Variants in PPARD observed in about 807,000 individuals in gnomAD.
PPARD encodes the protein peroxisome proliferator activated receptor delta, also known as peroxisome proliferator-activated receptor delta.
PPARD carries 6 observed loss-of-function variants against 39.5 expected under a neutral mutation model. The observed-to-expected ratio is 0.15, with a 90% CI of 0.08 to 0.30. PPARD has a LOEUF of 0.30. Among genes scored for constraint, PPARD ranks in the 10% least tolerant of loss-of-function variants. PPARD has a pLI of 1.00. For synonymous variants in PPARD, 210 were observed against 231.3 expected, an observed-to-expected ratio of 0.91 and a Z score of 0.83; for missense variants, 397 against 596.8, an observed-to-expected ratio of 0.67 and a Z score of 3.49.
At chr6:35,371,021 T>C (rs944174333) in intron 2 of PPARD, among the ~76,000 whole-genome samples, 4 of 152,216 alleles carry the variant, frequency 2.6e-5, no homozygotes, top group African/African-American at 9.6e-5. Context: ...TCTCAGAAGA[T>C]GCTGCCTCAT....
chr6:35,409,934 C>G (rs1370428386), intron 2 of PPARD, among the ~76,000 whole-genome samples: 1 of 152,170 alleles, frequency 6.6e-6, no homozygotes, highest in Non-Finnish European at 1.5e-5. Context: ...TTAAAAACTC[C>G]CCAGTGACTA....
At chr6:35,354,570 A>G (rs930060226) in intron 2 of PPARD, among the ~76,000 whole-genome samples, 4 of 152,108 alleles carry the variant, frequency 2.6e-5, no homozygotes, top group African/African-American at 9.6e-5. Flanking sequence ...AAGTGCTGGA[A>G]TTACAGGCAT....
rs188941362 is a variant in PPARD, at chr6:35,381,214, C to T, written c.-101-29773C>T. On this transcript the variant is annotated intron_variant, in intron 2 of 7. Coordinates refer to ENST00000360694, the MANE Select transcript of PPARD (RefSeq NM_006238.5). Reference sequence around the variant, plus strand: ...TCTTCCTTCTAGTGCTTCTGTCCTTCCCTCCTCCTGACCTCCAGTGAACAA... The same window carrying T: ...TCTTCCTTCTAGTGCTTCTGTCCTTTCCTCCTCCTGACCTCCAGTGAACAA... Among the ~76,000 whole-genome samples, 16 of 152,268 alleles carry T rather than the reference C, an allele frequency of 1.1e-4. No homozygotes were observed. In the East Asian group the frequency reaches 2.9e-3, roughly 28 times the overall value.
chr6:35,392,201 G>A (rs13206255), intron 2 of PPARD, among the ~76,000 whole-genome samples: 3,416 of 151,456 alleles, frequency 0.023, 58 homozygotes, highest in Middle Eastern at 0.035. Context: ...GGCTGGAACC[G>A]CACCAGCAGC....
intron 2 of PPARD, among the ~76,000 whole-genome samples, chr6:35,387,383 G>A (rs995982863): frequency 2.6e-5 from 4 of 152,104 alleles, no homozygotes; most frequent in Non-Finnish European, 5.9e-5. Context: ...TATAAGTTCA[G>A]CCCCTCATTT....
chr6:35,352,755 C>A (rs769794987), intron 2 of PPARD, among the ~76,000 whole-genome samples: 5 of 152,128 alleles, frequency 3.3e-5, no homozygotes, highest in Non-Finnish European at 5.9e-5. Context: ...GAATGGAGTG[C>A]GTATACATGA....
At chr6:35,413,053 TC>T (rs1765528683) in intron 3 of PPARD, among the ~76,000 whole-genome samples, 1 of 152,184 alleles carries the variant, frequency 6.6e-6, no homozygotes, top group African/African-American at 2.4e-5. Context: ...GTGGCCCACC[TC>T]ATCCCCACAT....
chr6:35,380,463 TTTTTTTTTG>T (rs1763074074), intron 2 of PPARD, among the ~76,000 whole-genome samples: 1 of 115,318 alleles, frequency 8.7e-6, no homozygotes, highest in African/African-American at 6.8e-5. Context: ...CCTCGTGTTT[TTTTTTTTTG>T]TTTGTTTTTT....
rs528840046 is a variant in PPARD, at chr6:35,363,408, C to T, written c.-102+16258C>T. Among the ~76,000 whole-genome samples, 154 of 152,326 alleles carry T rather than the reference C, an allele frequency of 1.0e-3. No individual in the cohort carries two copies. The highest frequency in any genetic ancestry group is 3.7e-3 in the South Asian group (18 of 4,822). ...CCTGTACGTCCCCTCAAAGCCTGCGCCACCGCCTCTCCCTTCACCACTCCC... is the reference window on the plus strand; with the variant it reads ...CCTGTACGTCCCCTCAAAGCCTGCGTCACCGCCTCTCCCTTCACCACTCCC... On this transcript the variant is annotated intron_variant, in intron 2 of 7. Coordinates refer to ENST00000360694, the MANE Select transcript of PPARD (RefSeq NM_006238.5). This position sits in a 1 kb window ranked among gnomAD's most constrained non-coding sequence, Gnocchi z 4.5.
chr6:35,348,232 A>T (rs1411510170), intron 2 of PPARD: 1 of 584,620 alleles, frequency 1.7e-6, no homozygotes, highest in Non-Finnish European at 2.2e-6. Context: ...TTAAGTGCCA[A>T]CTATGTGCCA....
chr6:35,349,214 A>T (rs899700262), intron 2 of PPARD, among the ~76,000 whole-genome samples: 12 of 151,704 alleles, frequency 7.9e-5, no homozygotes, highest in Admixed American at 6.6e-4. Context: ...TTTAGTAGAG[A>T]CGGGGTTTCA....
chr6:35,425,758 G>A lies in PPARD; in HGVS notation c.1079-74G>A. On this transcript the variant is annotated intron_variant, in intron 7 of 7. Coordinates refer to ENST00000360694, the MANE Select transcript of PPARD (RefSeq NM_006238.5). This position sits in a 1 kb window ranked among gnomAD's most constrained non-coding sequence, Gnocchi z 4.5. ...GGAGGCCTGCCGTCCCCTGGGCCAA[G>A]TCACCTCTTGGGGTGGAAGTAGGGG... 1.9e-6 allele frequency: 3 copies of A among 1,574,548 alleles called. No individual in the cohort carries two copies. The highest frequency in any genetic ancestry group is 2.3e-5 in the South Asian group (2 of 85,372).
At chr6:35,387,478 C>G (rs1763737178) in intron 2 of PPARD, among the ~76,000 whole-genome samples, 1 of 152,052 alleles carries the variant, frequency 6.6e-6, no homozygotes, top group Non-Finnish European at 1.5e-5. Context: ...ACTGACTGGA[C>G]TCAGGATCTC....
At position 35,426,047 on chromosome 6, in the gene PPARD, C is replaced by G. The variant is rs1766553054; in HGVS notation, c.1294C>G (p.Leu432Val). The change falls in exon 8 of 8, where the codon CTG (leucine) becomes GTG (valine). Residue 432 changes from leucine to valine, a missense_variant. Coordinates refer to ENST00000360694, the MANE Select transcript of PPARD (RefSeq NM_006238.5). ...KTETETSLHP[L>V]LQEIYKDMY ...CGAAACCGAGACCTCGCTGCACCCTCTGCTCCAGGAGATCTACAAGGACAT... is the reference window on the plus strand; with the variant it reads ...CGAAACCGAGACCTCGCTGCACCCTGTGCTCCAGGAGATCTACAAGGACAT... 6.2e-7 allele frequency: 1 copy of G among 1,612,856 alleles called. No individual in the cohort carries two copies. The highest frequency in any genetic ancestry group is 1.1e-5 in the South Asian group (1 of 91,038).
chr6:35,417,399 C>T (rs1554212855), intron 3 of PPARD, among the ~76,000 whole-genome samples: 1 of 152,014 alleles, frequency 6.6e-6, no homozygotes, highest in Non-Finnish European at 1.5e-5. Flanking sequence ...GATTTTCCTG[C>T]CTCAGCCTCC....
chr6:35,378,641 T>C (rs1388238245), intron 2 of PPARD, among the ~76,000 whole-genome samples: 2 of 152,184 alleles, frequency 1.3e-5, no homozygotes, highest in Non-Finnish European at 2.9e-5. Flanking sequence ...AATTTTAGAA[T>C]AAGGCTGCAC....
intron 2 of PPARD, among the ~76,000 whole-genome samples, chr6:35,369,305 A>G (rs1305167731): frequency 6.6e-6 from 1 of 152,152 alleles, no homozygotes; most frequent in East Asian, 1.9e-4. Flanking sequence ...TTTTGTTGAG[A>G]TGTAAGTCAT....
intron 2 of PPARD, among the ~76,000 whole-genome samples, chr6:35,407,116 C>A (rs1243169090): frequency 6.6e-6 from 1 of 152,142 alleles, no homozygotes; most frequent in Non-Finnish European, 1.5e-5. Flanking sequence ...CAGGTCTTCC[C>A]CAGGGTCACC....
chr6:35,376,870 A>C (rs1321533384), intron 2 of PPARD, among the ~76,000 whole-genome samples: 1 of 151,972 alleles, frequency 6.6e-6, no homozygotes, highest in Non-Finnish European at 1.5e-5. Context: ...AATACAAAAA[A>C]TTAGCCGGGT....
Sources: gnomAD v4.1 joint callset for allele counts (sites outside exome capture counted in the v4.1 genomes callset) on GRCh38, gnomAD v4.1.1 for gene constraint, Gnocchi (gnomAD v3.1) non-coding constraint, MANE v1.5 for transcripts, NCBI Gene and HGNC (gene_info 2026-07-23, HGNC 2026-07-21) for gene names.